The following KIAA1549 variants were observed in gnomAD, a reference collection of about 807,000 sequenced individuals.
KIAA1549 encodes UPF0606 protein KIAA1549.
Under a neutral mutation model 156.4 loss-of-function variants are expected in KIAA1549, and 70 were observed. The observed-to-expected ratio is 0.45, with a 90% CI of 0.37 to 0.55. KIAA1549 has a LOEUF of 0.55. Ranked by LOEUF, KIAA1549 falls within the 20% of genes least tolerant of loss-of-function variation. KIAA1549 has a pLI of 0.00. For synonymous variants in KIAA1549, 1,103 were observed against 1,066.4 expected (o/e 1.03, Z -0.67); for missense variants, 2,428 against 2,540.9 (o/e 0.96, Z 0.96).
At chr7:138,928,111 C>CG (rs2130500039) in intron 1 of KIAA1549, among the ~76,000 whole-genome samples, 1 of 150,468 alleles carries the variant, frequency 6.6e-6, no homozygotes, top group African/African-American at 2.4e-5. Flanking sequence ...TTAGTGGAGA[C>CG]GGGGTTTCAC....
In KIAA1549 at chr7:138,899,331, GAGT is replaced by G. The variant is rs200343752; in HGVS notation, c.3670-202_3670-200del. 5.9e-5 allele frequency among the ~76,000 whole-genome samples: 9 copies of G among 152,144 alleles called. No homozygotes were observed. In the East Asian group the frequency reaches 1.7e-3, roughly 29 times the overall value. Reference sequence around the variant, plus strand: ...GGACAGTGGGGAGTTCCTTTGTGTGGAGTAACAGGTTGCTTCATCTCGCTCTAC... The same window carrying G: ...GGACAGTGGGGAGTTCCTTTGTGTGGAACAGGTTGCTTCATCTCGCTCTAC... On this transcript the variant is annotated intron_variant, in intron 8 of 19. Coordinates refer to ENST00000422774, the MANE Select transcript of KIAA1549 (RefSeq NM_001164665.2).
intron 5 of KIAA1549, among the ~76,000 whole-genome samples, chr7:138,908,513 AAGTGGATCC>A (rs1212261316): frequency 2.0e-5 from 3 of 152,216 alleles, no homozygotes; most frequent in Admixed American, 6.5e-5. Flanking sequence ...GAAACATGGA[AAGTGGATCC>A]AGGAGCACCA....
chr7:138,868,573 G>A (rs968714333), intron 14 of KIAA1549, among the ~76,000 whole-genome samples: 11 of 152,184 alleles, frequency 7.2e-5, no homozygotes, highest in South Asian at 2.1e-4. Context: ...GATTACAGGC[G>A]CCTGCCACCA....
At chr7:138,953,171 C>T (rs1813549263) in intron 1 of KIAA1549, among the ~76,000 whole-genome samples, 1 of 152,154 alleles carries the variant, frequency 6.6e-6, no homozygotes, top group African/African-American at 2.4e-5. Context: ...GCCTGGCCAA[C>T]ATGGTAAAAC....
At chr7:138,861,650 G>A (rs901757641) in intron 15 of KIAA1549, among the ~76,000 whole-genome samples, 194 bp from the exon 16 acceptor site, 2 of 145,656 alleles carry the variant, frequency 1.4e-5, no homozygotes, top group South Asian at 2.2e-4. Context: ...CCAGGAGTTC[G>A]AGACCAGCCT....
In KIAA1549 at chr7:138,917,619, T is replaced by C; in HGVS notation, c.2007A>G (p.Thr669=). The C allele has an allele frequency of 6.2e-7, 1 of 1,613,758 alleles. No individual in the cohort carries two copies. The highest frequency in any genetic ancestry group is 8.5e-7 in the Non-Finnish European group (1 of 1,179,840). ...GATCACTAGAGTCAAACAATGTAAA[T>C]GTCTCAACCAAGGGAGAAAAAGACT... The part of the protein sequence containing the change: ...TSQSFSPLVE[T]FTLFDSSDLQ... The change falls in exon 2 of 20, where the codon ACA becomes ACG. Residue 669 remains threonine (T), a synonymous_variant. Coordinates refer to ENST00000422774, the MANE Select transcript of KIAA1549 (RefSeq NM_001164665.2).
At chr7:138,911,744 A>C (rs1362104009) in intron 3 of KIAA1549, among the ~76,000 whole-genome samples, 9 of 152,274 alleles carry the variant, frequency 5.9e-5, no homozygotes, top group Admixed American at 5.9e-4. Flanking sequence ...ATATCATTTC[A>C]ACATGAAGTC....
At chr7:138,972,814 CTTTTG>C (rs139299200) in intron 1 of KIAA1549, among the ~76,000 whole-genome samples, 52 of 152,116 alleles carry the variant, frequency 3.4e-4, no homozygotes, top group South Asian at 6.2e-4. Flanking sequence ...TCAACCACTG[CTTTTG>C]TTTTGTTTTG....
intron 17 of KIAA1549, 106 bp from the exon 18 acceptor site, chr7:138,844,580 C>G: frequency 9.3e-7 from 1 of 1,071,604 alleles, no homozygotes; most frequent in Non-Finnish European, 1.3e-6. Flanking sequence ...ATTTGTCTAC[C>G]TGCTTAGCCA....
At chr7:138,961,005 C>A (rs575714878) in intron 1 of KIAA1549, among the ~76,000 whole-genome samples, 16 of 152,352 alleles carry the variant, frequency 1.1e-4, no homozygotes, top group African/African-American at 3.6e-4. Context: ...TAACCTCTCC[C>A]TGTGCAGTTC....
At position 138,835,444 on chromosome 7, in the gene KIAA1549, T is replaced by C. The variant is rs1403496178; in HGVS notation, c.*2462A>G. 1 of 214,878 alleles carries C rather than the reference T, an allele frequency of 4.7e-6. No individual in the cohort carries two copies. Among genetic ancestry groups the C allele is most frequent in the Non-Finnish European group, 9.4e-6 (1 of 106,378 alleles). The allele number at this position is 214,878 out of a possible 1,614,324, so 13.3% of individuals were successfully genotyped here. ...CAGTTAAAATCCCTTTATGGTAGTT[T>C]GAAAGACATCAAAATTGCTTTTACG... On this transcript the variant is annotated 3_prime_UTR_variant, in exon 20 of 20. Transcript: ENST00000422774.
At position 138,836,503 on chromosome 7, in the gene KIAA1549, G is replaced by A. The variant is rs944249276; in HGVS notation, c.*1403C>T. The A allele has an allele frequency of 6.5e-5, 14 of 215,028 alleles. No individual in the cohort carries two copies. The highest frequency in any genetic ancestry group is 2.9e-4 in the African/African-American group (13 of 44,412). 13.3% of individuals were successfully genotyped at this position (215,028 alleles called of 1,614,324 possible). A position where few individuals can be genotyped will look rare whatever the true frequency, so the allele number is the denominator to read the frequency against. ...TAAGCGATGCATGACTGTCTTCGCT[G>A]ATCTAATAAAAACAGGTTAATAGTG... On this transcript the variant is annotated 3_prime_UTR_variant, in exon 20 of 20. Coordinates refer to ENST00000422774, the MANE Select transcript of KIAA1549 (RefSeq NM_001164665.2).
chr7:138,875,175 C>T (rs58285561), intron 12 of KIAA1549, among the ~76,000 whole-genome samples: 109 of 152,228 alleles, frequency 7.2e-4, no homozygotes, highest in African/African-American at 2.3e-3. Context: ...GCTAATTACC[C>T]TGATTTGATC....
chr7:138,912,878 TTTTTC>T (rs944617823), intron 2 of KIAA1549, among the ~76,000 whole-genome samples: 3 of 152,132 alleles, frequency 2.0e-5, no homozygotes, highest in East Asian at 1.9e-4. Context: ...AGAAGGAACA[TTTTTC>T]TTTTCTTTTC....
chr7:138,957,578 A>C (rs1813705227), intron 1 of KIAA1549, among the ~76,000 whole-genome samples: 1 of 152,022 alleles, frequency 6.6e-6, no homozygotes, highest in Admixed American at 6.5e-5. Flanking sequence ...CCCAGGTTCA[A>C]GCAATTCTCT....
At position 138,857,849 on chromosome 7, in the gene KIAA1549, T is replaced by C. The variant is rs570732444; in HGVS notation, c.5247+3290A>G. Among the ~76,000 whole-genome samples, 35 of 152,352 alleles carry C rather than the reference T, an allele frequency of 2.3e-4. No individual in the cohort carries two copies. The South Asian group carries it at 4.1e-3, about 18-fold the overall frequency. ...TATGGCATATCTTCCTCCAAACTTTTCTCCATACTTTTCCTTTTCACTTAC... is the reference window on the plus strand; with the variant it reads ...TATGGCATATCTTCCTCCAAACTTTCCTCCATACTTTTCCTTTTCACTTAC... On this transcript the variant is annotated intron_variant, in intron 16 of 19. Coordinates refer to ENST00000422774, the MANE Select transcript of KIAA1549 (RefSeq NM_001164665.2).
chr7:138,922,279 A>T (rs1812586288), intron 1 of KIAA1549, among the ~76,000 whole-genome samples: 1 of 152,244 alleles, frequency 6.6e-6, no homozygotes, highest in Non-Finnish European at 1.5e-5. Flanking sequence ...GCCTGTCAGA[A>T]ACTAACATAA....
intron 1 of KIAA1549, among the ~76,000 whole-genome samples, chr7:138,947,050 C>T (rs1813357960): frequency 6.6e-6 from 1 of 151,758 alleles, no homozygotes; most frequent in Admixed American, 6.5e-5. Flanking sequence ...TTATCTACTT[C>T]CACGTTCTCA....
intron 1 of KIAA1549, among the ~76,000 whole-genome samples, chr7:138,974,032 G>A (rs1191854292): frequency 1.3e-5 from 2 of 152,212 alleles, no homozygotes; most frequent in East Asian, 3.8e-4. Context: ...AACAGCAGTG[G>A]AGCACGAGCA....
Sources: gnomAD v4.1 joint callset for allele counts (sites outside exome capture counted in the v4.1 genomes callset) on GRCh38, gnomAD v4.1.1 for gene constraint, MANE v1.5 for transcripts, NCBI Gene and HGNC (gene_info 2026-07-23, HGNC 2026-07-21) for gene names.